The following LAMC3 variants were observed in gnomAD, a reference collection of about 807,000 sequenced individuals.
LAMC3 encodes the protein laminin subunit gamma 3, also known as laminin subunit gamma-3.
LAMC3 carries 128 observed loss-of-function variants against 173.8 expected under a neutral mutation model. The ratio of observed to expected loss-of-function variants is 0.74; its 90% CI spans 0.64 to 0.85. LAMC3 has a LOEUF of 0.85. LAMC3 is among the 40% of genes least tolerant of loss of function. The pLI is 0.00. For missense variants in LAMC3, 2,022 were observed against 2,156.0 expected (o/e 0.94, Z 1.23); for synonymous variants, 897 against 909.1 (o/e 0.99, Z 0.24).
intron 1 of LAMC3, among the ~76,000 whole-genome samples, chr9:131,018,893 C>CTT (rs1833579016): frequency 6.6e-6 from 1 of 152,206 alleles, no homozygotes; most frequent in African/African-American, 2.4e-5. Flanking sequence ...GCTGCTCATC[C>CTT]TTGGAACCAT....
intron 1 of LAMC3, among the ~76,000 whole-genome samples, chr9:131,021,475 T>C (rs1833624303): frequency 1.3e-5 from 2 of 152,120 alleles, no homozygotes; most frequent in African/African-American, 2.4e-5. Flanking sequence ...CAATAATACA[T>C]ATATATAACT....
At chr9:131,082,442 T>G (rs577221090) in intron 24 of LAMC3, among the ~76,000 whole-genome samples, 1 of 152,320 alleles carries the variant, frequency 6.6e-6, no homozygotes, top group South Asian at 2.1e-4. Flanking sequence ...CATCATTGGC[T>G]GTTCAACCAG....
Position 131,075,977 on chromosome 9 carries a change from C to T in LAMC3, c.3629+12C>T, listed in dbSNP as rs1398316590. ...GACCTGGAGGACAGGTGAGGCCTCC[C>T]CAGGTGTGGGTAGAAACTTTGGGGT... On this transcript the variant is annotated intron_variant, in intron 21 of 27. Transcript: ENST00000361069. 1.3e-6 allele frequency: 2 copies of T among 1,598,980 alleles called. No individual in the cohort carries two copies. The highest frequency in any genetic ancestry group is 4.5e-5 in the East Asian group (2 of 44,474).
chr9:131,074,983 G>A (rs1317492280), intron 20 of LAMC3, among the ~76,000 whole-genome samples: 1 of 152,050 alleles, frequency 6.6e-6, no homozygotes, highest in East Asian at 1.9e-4. Flanking sequence ...GGTCCTATTG[G>A]CCAGGCACAG....
Position 131,039,023 on chromosome 9 carries a change from C to T in LAMC3, c.1136C>T (p.Pro379Leu). 2 of 1,613,618 alleles carry T rather than the reference C, an allele frequency of 1.2e-6. No individual in the cohort carries two copies. The highest frequency in any genetic ancestry group is 1.7e-6 in the Non-Finnish European group (2 of 1,179,992). Residue 379 changes from proline to leucine, a missense_variant, in exon 5 of 28, where the codon CCA becomes CTA. Physicochemically the swap from Pro to Leu is moderately conservative, Grantham distance 98 (BLOSUM62 -3). Coordinates refer to ENST00000361069, the MANE Select transcript of LAMC3 (RefSeq NM_006059.4). ...TTCTATCACTGGGACCCGCGGATGC[C>T]ATGCCAGCCCTGTGACTGCCAGTCG... ...ENFYHWDPRMPCQPCDCQSAG... is the reference protein window; with the variant it reads ...ENFYHWDPRMLCQPCDCQSAG...
intron 3 of LAMC3, among the ~76,000 whole-genome samples, chr9:131,035,387 G>A (rs1588144410): frequency 6.6e-6 from 1 of 152,078 alleles, no homozygotes; most frequent in Non-Finnish European, 1.5e-5. Context: ...GAGGGATCAG[G>A]CACATCACAT....
intron 20 of LAMC3, among the ~76,000 whole-genome samples, chr9:131,073,525 G>A (rs1830073081): frequency 6.6e-6 from 1 of 152,212 alleles, no homozygotes; most frequent in Non-Finnish European, 1.5e-5. Context: ...TTGGTGGACT[G>A]AAGGCGTCAG....
At chr9:131,084,386 C>CT (rs1289018910) in intron 24 of LAMC3, among the ~76,000 whole-genome samples, 1 of 151,690 alleles carries the variant, frequency 6.6e-6, no homozygotes, top group Non-Finnish European at 1.5e-5. Context: ...AAGCTTTTGT[C>CT]TTTTTGTAGA....
intron 22 of LAMC3, among the ~76,000 whole-genome samples, chr9:131,077,713 A>T (rs1041138460): frequency 7.7e-6 from 1 of 130,646 alleles, no homozygotes; most frequent in Non-Finnish European, 1.6e-5. Flanking sequence ...AAAAAAAAAA[A>T]CTATTATAGC....
intron 22 of LAMC3, 48 bp downstream of exon 22, chr9:131,077,382 T>C (rs1308472189): frequency 3.7e-6 from 6 of 1,607,266 alleles, no homozygotes; most frequent in Non-Finnish European, 5.1e-6. Flanking sequence ...GAGGATCTAT[T>C]ATAGAAGCTG....
chr9:131,058,076 G>A (rs1829729814), intron 12 of LAMC3, among the ~76,000 whole-genome samples: 1 of 151,476 alleles, frequency 6.6e-6, no homozygotes, highest in Non-Finnish European at 1.5e-5. Context: ...GTTGCTGCTG[G>A]CTACTCATTC....
At chr9:131,090,469 T>C (rs150582029) in intron 27 of LAMC3, among the ~76,000 whole-genome samples, 3 of 152,330 alleles carry the variant, frequency 2.0e-5, no homozygotes, top group Admixed American at 6.5e-5. Context: ...GAGGTCCTCC[T>C]AGGTCAGCAG....
chr9:131,062,068 T>A (rs931910301), intron 13 of LAMC3, among the ~76,000 whole-genome samples: 5 of 151,420 alleles, frequency 3.3e-5, no homozygotes, highest in South Asian at 2.1e-4. Context: ...AATTTTTTTT[T>A]AAATAAAGTA....
At chr9:131,059,544 G>GGGCA (rs1447614307) in intron 12 of LAMC3, among the ~76,000 whole-genome samples, 2 of 88,526 alleles carry the variant, frequency 2.3e-5, no homozygotes, top group Non-Finnish European at 5.8e-5. Flanking sequence ...TAGCCGGGGA[G>GGGCA]GGCAAGCACA....
chr9:131,064,603 G>A (rs1829891006), intron 13 of LAMC3, among the ~76,000 whole-genome samples: 1 of 151,752 alleles, frequency 6.6e-6, no homozygotes, highest in Non-Finnish European at 1.5e-5. Flanking sequence ...GGCGGAGCCT[G>A]CAGTGAGCCG....
intron 14 of LAMC3, among the ~76,000 whole-genome samples, chr9:131,067,851 T>C (rs1829966169): frequency 6.6e-6 from 1 of 152,158 alleles, no homozygotes; most frequent in African/African-American, 2.4e-5. Context: ...TCAGAAGGAT[T>C]GTCTGTTACC....
chr9:131,091,938 T>G lies in LAMC3; in HGVS notation c.*151T>G, dbSNP rs926763887. 4.4e-6 allele frequency: 4 copies of G among 912,972 alleles called. No homozygotes were observed. The highest frequency in any genetic ancestry group is 6.6e-6 in the Non-Finnish European group (4 of 603,726). 56.6% of individuals were successfully genotyped at this position (912,972 alleles called of 1,614,324 possible). ...GTGTGGATAGTCACTCCCTGCCGAT[T>G]CTGTCTGTGGCTTCTTCCCTGCCAG... On this transcript the variant is annotated 3_prime_UTR_variant, in exon 28 of 28. Coordinates refer to ENST00000361069, the MANE Select transcript of LAMC3 (RefSeq NM_006059.4).
At chr9:131,053,962 C>A (rs1834347559) in intron 11 of LAMC3, among the ~76,000 whole-genome samples, 1 of 151,600 alleles carries the variant, frequency 6.6e-6, no homozygotes, top group East Asian at 1.9e-4. Context: ...GTGACTGTGC[C>A]ACTGCACTCC....
rs1829976346 is a variant in LAMC3 at position 131,068,241 on chromosome 9, G to T, written c.2747+10G>T. ...GGAGGGGCTGCCGGAGGTAGGTAGG[G>T]TGAGACTGCCGGTGCCCTGGGGACC... On this transcript the variant is annotated intron_variant, in intron 15 of 27. Coordinates refer to ENST00000361069, the MANE Select transcript of LAMC3 (RefSeq NM_006059.4). 6.2e-7 allele frequency: 1 copy of T among 1,606,462 alleles called. No individual in the cohort carries two copies. Among genetic ancestry groups the T allele is most frequent in the Non-Finnish European group, 8.5e-7 (1 of 1,176,440 alleles).
Sources: gnomAD v4.1 joint callset for allele counts (sites outside exome capture counted in the v4.1 genomes callset) on GRCh38, gnomAD v4.1.1 for gene constraint, MANE v1.5 for transcripts, NCBI Gene and HGNC (gene_info 2026-07-23, HGNC 2026-07-21) for gene names.